Variants in TTC17 observed in about 807,000 individuals in gnomAD.
The protein encoded by TTC17 is tetratricopeptide repeat domain 17, also known as tetratricopeptide repeat protein 17.
A neutral mutation model predicts 143.8 loss-of-function variants in TTC17; 58 were observed. The ratio of observed to expected loss-of-function variants is 0.40; its 90% CI spans 0.33 to 0.50. TTC17 has a LOEUF of 0.50. Ranked by LOEUF, TTC17 falls within the 20% of genes least tolerant of loss-of-function variation. The pLI is 0.49. For synonymous variants in TTC17, 501 were observed against 497.8 expected, an observed-to-expected ratio of 1.01 and a Z score of -0.09; for missense variants, 1,273 against 1,392.5, an observed-to-expected ratio of 0.91 and a Z score of 1.37.
intron 7 of TTC17, 122 bp downstream of exon 7, chr11:43,397,613 TGAAATTAGGAGGAA>T: frequency 8.6e-7 from 1 of 1,156,212 alleles, no homozygotes; most frequent in Non-Finnish European, 1.2e-6. Context: ...ACGATGGAAA[TGAAATTAGGAGGAA>T]GAAAAATCCT....
At chr11:43,375,005 C>T (rs187501862) in intron 1 of TTC17, among the ~76,000 whole-genome samples, 3 of 152,284 alleles carry the variant, frequency 2.0e-5, no homozygotes, top group Admixed American at 2.0e-4. Context: ...CACATCAATA[C>T]TTTCTGTATT....
At chr11:43,490,066 G>A in intron 21 of TTC17, 173 bp from the exon 22 acceptor site, 2 of 777,516 alleles carry the variant, frequency 2.6e-6, no homozygotes, top group Admixed American at 2.9e-5. Flanking sequence ...CAAGCTCACA[G>A]GATTGTTCTA....
intron 16 of TTC17, among the ~76,000 whole-genome samples, chr11:43,418,592 A>C (rs897327595): frequency 2.2e-4 from 33 of 152,320 alleles, no homozygotes; most frequent in South Asian, 8.3e-4. Flanking sequence ...AATCTGTTAA[A>C]TAAACTTATA....
At chr11:43,459,123 A>T (rs776474323) in intron 21 of TTC17, among the ~76,000 whole-genome samples, 3 of 152,154 alleles carry the variant, frequency 2.0e-5, no homozygotes, top group African/African-American at 7.2e-5. Context: ...ATTAAAAAAA[A>T]GTTATTGGTC....
At chr11:43,489,066 C>A (rs1055137648) in intron 21 of TTC17, among the ~76,000 whole-genome samples, 6 of 152,138 alleles carry the variant, frequency 3.9e-5, no homozygotes, top group East Asian at 1.9e-4. Flanking sequence ...CACTAAAAAA[C>A]CAAATTCTGT....
intron 1 of TTC17, 117 bp from the exon 2 acceptor site, chr11:43,379,116 G>T: frequency 1.1e-6 from 1 of 947,664 alleles, no homozygotes; most frequent in Admixed American, 2.1e-5. Flanking sequence ...GTTTTGCTGA[G>T]GAATAACGCT....
chr11:43,424,093 T>TG (rs1372574012), intron 16 of TTC17, among the ~76,000 whole-genome samples: 1 of 151,860 alleles, frequency 6.6e-6, no homozygotes, highest in Admixed American at 6.6e-5. Flanking sequence ...TTTCCTTTTT[T>TG]TTTTTTTTTC....
At chr11:43,444,305 G>T in intron 18 of TTC17, 96 bp downstream of exon 18, 1 of 1,319,536 alleles carries the variant, frequency 7.6e-7, no homozygotes, top group Non-Finnish European at 1.0e-6. Context: ...TAGTTCAGAT[G>T]AGATGATAAA....
chr11:43,359,249 G>A, intron 1 of TTC17, 136 bp downstream of exon 1: 1 of 1,110,254 alleles, frequency 9.0e-7, no homozygotes. Flanking sequence ...CCGCGACCTC[G>A]GACTCCCTGC....
intron 18 of TTC17, chr11:43,445,889 T>G: frequency 1.1e-6 from 1 of 887,930 alleles, no homozygotes; most frequent in Non-Finnish European, 1.8e-6. Flanking sequence ...TTCTAAGAAC[T>G]AATAATAATG....
At chr11:43,469,661 A>G (rs1354036498) in intron 21 of TTC17, among the ~76,000 whole-genome samples, 3 of 152,224 alleles carry the variant, frequency 2.0e-5, no homozygotes, top group Non-Finnish European at 4.4e-5. Context: ...ACATATAGGG[A>G]TAGAAATCAG....
In TTC17 at chr11:43,490,445, T is replaced by G. The variant is rs1235281411; in HGVS notation, c.3150+87T>G. Reference sequence around the variant, plus strand: ...ATTCTGCCCTTTGAACCAGCCTCCCTCATGCTCAGCCAGTGAGGACATATT... The same window carrying G: ...ATTCTGCCCTTTGAACCAGCCTCCCGCATGCTCAGCCAGTGAGGACATATT... On this transcript the variant is annotated intron_variant, in intron 22 of 23. Transcript: ENST00000039989. 1.2e-5 allele frequency: 18 copies of G among 1,460,290 alleles called. 1 individual carries two copies. In the South Asian group the frequency reaches 2.7e-4, roughly 22 times the overall value. The allele number at this position is 1,460,290 out of a possible 1,614,324, so 90.5% of individuals were successfully genotyped here.
intron 21 of TTC17, among the ~76,000 whole-genome samples, chr11:43,462,232 A>G (rs1947882605): frequency 6.6e-6 from 1 of 152,216 alleles, no homozygotes; most frequent in Non-Finnish European, 1.5e-5. Flanking sequence ...CCCCCTACAA[A>G]GATATCCACG....
At chr11:43,451,363 T>C in intron 21 of TTC17, 98 bp downstream of exon 21, 1 of 1,040,218 alleles carries the variant, frequency 9.6e-7, no homozygotes, top group South Asian at 1.5e-5. Flanking sequence ...TTCTGTTAGT[T>C]ACTTAGCACT....
Position 43,437,937 on chromosome 11 carries a change from T to C in TTC17, c.2252-5388T>C, listed in dbSNP as rs1056672730. Among the ~76,000 whole-genome samples the C allele has an allele frequency of 2.0e-5, 3 of 152,236 alleles. 1 individual carries two copies. Among genetic ancestry groups the C allele is most frequent in the South Asian group, 4.1e-4 (2 of 4,834 alleles). On this transcript the variant is annotated intron_variant, in intron 16 of 23. Transcript: ENST00000039989. ...CGCCACTGGTGGCAACAAATACTTA[T>C]GATTATTGTTTTCTGCTCAGAAGAG...
chr11:43,413,708 A>G (rs899316542), intron 15 of TTC17, among the ~76,000 whole-genome samples: 1 of 150,176 alleles, frequency 6.7e-6, no homozygotes, highest in Admixed American at 6.6e-5. Flanking sequence ...AGGCACCTGA[A>G]AAAAAAAAAA....
chr11:43,494,803 A>G lies in TTC17; in HGVS notation c.*899A>G, dbSNP rs1290691705. ...TCCAGACTTAGCTCCTCAGGAGGGT[A>G]ATGAGCCAAGGTTGAGTGTTTCCAT... On this transcript the variant is annotated 3_prime_UTR_variant, in exon 24 of 24. Transcript: ENST00000039989. The G allele has an allele frequency of 2.6e-5, 4 of 152,322 alleles. No individual in the cohort carries two copies. Among genetic ancestry groups the G allele is most frequent in the Non-Finnish European group, 4.4e-5 (3 of 68,032 alleles). The allele number at this position is 152,322 out of a possible 1,614,324, so 9.4% of individuals were successfully genotyped here. A position where few individuals can be genotyped will look rare whatever the true frequency, so the allele number is the denominator to read the frequency against.
chr11:43,363,026 G>A (rs765615850), intron 1 of TTC17, among the ~76,000 whole-genome samples: 14 of 152,108 alleles, frequency 9.2e-5, no homozygotes, highest in African/African-American at 1.9e-4. Flanking sequence ...AGTGTCTGTC[G>A]CTGGTACCTG....
chr11:43,467,288 G>C (rs900389295), intron 21 of TTC17, among the ~76,000 whole-genome samples: 3 of 152,188 alleles, frequency 2.0e-5, no homozygotes, highest in Admixed American at 6.5e-5. Context: ...CCCATCCACA[G>C]ATGAATGGAT....
Sources: allele counts gnomAD v4.1 joint callset (sites outside exome capture counted in the v4.1 genomes callset), GRCh38; gene constraint gnomAD v4.1.1; transcripts MANE v1.5; gene names NCBI Gene and HGNC (gene_info 2026-07-23, HGNC 2026-07-21).